XPR1: variants seen among roughly 807,000 people sequenced by gnomAD.
The protein encoded by XPR1 is solute carrier family 53 member 1.
A neutral mutation model predicts 87.5 loss-of-function variants in XPR1; 28 were observed. The observed-to-expected ratio is 0.32, with a 90% CI of 0.24 to 0.44. The LOEUF (loss-of-function observed/expected upper bound fraction) is 0.44. Among genes scored for constraint, XPR1 ranks in the 20% least tolerant of loss-of-function variants. The pLI is 1.00. For synonymous variants in XPR1, 300 were observed against 306.1 expected, an observed-to-expected ratio of 0.98 and a Z score of 0.21; for missense variants, 559 against 862.3, an observed-to-expected ratio of 0.65 and a Z score of 4.41.
intron 11 of XPR1, among the ~76,000 whole-genome samples, chr1:180,844,775 T>C (rs1651623248): frequency 6.6e-6 from 1 of 152,176 alleles, no homozygotes; most frequent in Admixed American, 6.5e-5. Flanking sequence ...GGCGCTTCAA[T>C]TGAAAGAGCA....
chr1:180,729,973 G>A (rs1658496076), intron 2 of XPR1, among the ~76,000 whole-genome samples: 1 of 152,142 alleles, frequency 6.6e-6, no homozygotes, highest in Non-Finnish European at 1.5e-5. Context: ...CGGGGTCTAT[G>A]TCCAGAATGG....
chr1:180,876,635 C>CAA (rs532038656), intron 13 of XPR1, among the ~76,000 whole-genome samples: 2,769 of 108,096 alleles, frequency 0.026, 98 homozygotes, highest in African/African-American at 0.087. Context: ...GACCCTGTCT[C>CAA]AAAAAAAAAA....
intron 1 of XPR1, among the ~76,000 whole-genome samples, chr1:180,674,113 T>C (rs1656285737): frequency 6.6e-6 from 1 of 152,236 alleles, no homozygotes; most frequent in Non-Finnish European, 1.5e-5. Flanking sequence ...TCAAACTTAA[T>C]ATTGTTTTAA....
intron 2 of XPR1, among the ~76,000 whole-genome samples, chr1:180,690,902 G>T (rs2101956889): frequency 6.6e-6 from 1 of 151,572 alleles, no homozygotes; most frequent in Admixed American, 6.6e-5. Flanking sequence ...AATTAACCTA[G>T]GTTGCTTCTC....
At chr1:180,639,839 A>G (rs1022561710) in intron 1 of XPR1, among the ~76,000 whole-genome samples, 2 of 152,230 alleles carry the variant, frequency 1.3e-5, no homozygotes, top group Admixed American at 1.3e-4. Flanking sequence ...CAAACATGGA[A>G]GAGGATAAAG....
Position 180,880,094 on chromosome 1 carries a change from C to T in XPR1, c.1827C>T (p.Phe609=). ...LEVFRRFVWN[F]FRLENEHLNN... ...TGCTAAGGCGATTTGTGTGGAACTT[C>T]TTCCGCCTGGAGAATGAACATCTGA... The change falls in exon 14 of 15, where the codon TTC becomes TTT. Residue 609 remains phenylalanine (F), a synonymous_variant. Coordinates refer to ENST00000367590, the MANE Select transcript of XPR1 (RefSeq NM_004736.4). 6.2e-7 allele frequency: 1 copy of T among 1,614,196 alleles called. No individual in the cohort carries two copies. Among genetic ancestry groups the T allele is most frequent in the South Asian group, 1.1e-5 (1 of 91,084 alleles).
chr1:180,716,799 A>G (rs1210548990), intron 2 of XPR1, among the ~76,000 whole-genome samples: 1 of 152,220 alleles, frequency 6.6e-6, no homozygotes, highest in Non-Finnish European at 1.5e-5. Context: ...GCTACCTTGA[A>G]ACAAATGACT....
intron 1 of XPR1, among the ~76,000 whole-genome samples, chr1:180,663,556 G>A (rs542766299): frequency 6.6e-6 from 1 of 152,256 alleles, no homozygotes; most frequent in African/African-American, 2.4e-5. Flanking sequence ...AGCACCCCTT[G>A]GGCCACCATC....
In XPR1 at chr1:180,682,374, G is replaced by A. The variant is rs957601312; in HGVS notation, c.84G>A (p.Met28Ile). ...QYIQYEAFKD[M>I]LYSAQDQAPS... Reference sequence around the variant, plus strand: ...CTTTCTAATAGGCTTTCAAGGATATGCTGTATTCAGCTCAGGACCAGGCAC... The same window carrying A: ...CTTTCTAATAGGCTTTCAAGGATATACTGTATTCAGCTCAGGACCAGGCAC... Residue 28 changes from methionine to isoleucine, a missense_variant, in exon 2 of 15, where the codon ATG (methionine) becomes ATA (isoleucine). Met to Ile is a conservative substitution (Grantham distance 10). Coordinates refer to ENST00000367590, the MANE Select transcript of XPR1 (RefSeq NM_004736.4). 2.5e-6 allele frequency: 4 copies of A among 1,602,958 alleles called. No homozygotes were observed. Among genetic ancestry groups the A allele is most frequent in the Non-Finnish European group, 3.4e-6 (4 of 1,174,308 alleles).
At chr1:180,799,030 C>G (rs1558013532) in intron 3 of XPR1, among the ~76,000 whole-genome samples, 1 of 152,174 alleles carries the variant, frequency 6.6e-6, no homozygotes, top group East Asian at 1.9e-4. Flanking sequence ...TCACTTTTCC[C>G]TTGGTAATCA....
At chr1:180,662,584 T>C (rs1421962519) in intron 1 of XPR1, among the ~76,000 whole-genome samples, 1 of 152,196 alleles carries the variant, frequency 6.6e-6, no homozygotes, top group African/African-American at 2.4e-5. Context: ...GGAGTTTAAT[T>C]ATTAAATGCC....
chr1:180,762,356 T>G (rs1242446974), intron 2 of XPR1, among the ~76,000 whole-genome samples: 4 of 152,026 alleles, frequency 2.6e-5, no homozygotes, highest in Non-Finnish European at 5.9e-5. Flanking sequence ...AACAGAAATA[T>G]AAACTGTTGA....
chr1:180,729,353 T>C (rs1557977945), intron 2 of XPR1, among the ~76,000 whole-genome samples: 2 of 152,230 alleles, frequency 1.3e-5, no homozygotes, highest in Non-Finnish European at 2.9e-5. Context: ...TTTGGGTGTA[T>C]ACTCAATAGT....
At chr1:180,857,017 T>C (rs1312797131) in intron 11 of XPR1, among the ~76,000 whole-genome samples, 1 of 152,260 alleles carries the variant, frequency 6.6e-6, no homozygotes, top group Non-Finnish European at 1.5e-5. Flanking sequence ...CTGTGAAGGA[T>C]ATCAATTTTA....
At chr1:180,680,226 CA>C (rs1229775334) in intron 1 of XPR1, among the ~76,000 whole-genome samples, 7 of 150,522 alleles carry the variant, frequency 4.7e-5, no homozygotes, top group African/African-American at 1.7e-4. Flanking sequence ...CAAAACAAAA[CA>C]AAACAAAAAC....
At chr1:180,682,458 A>T in intron 2 of XPR1, 47 bp downstream of exon 2, 1 of 1,522,988 alleles carries the variant, frequency 6.6e-7, no homozygotes, top group Non-Finnish European at 8.9e-7. Context: ...ACCTCTTTTT[A>T]AGGAAAGATA....
intron 2 of XPR1, among the ~76,000 whole-genome samples, chr1:180,705,063 A>G (rs1053817022): frequency 6.6e-6 from 1 of 152,000 alleles, no homozygotes; most frequent in Non-Finnish European, 1.5e-5. Context: ...GGATTTGACA[A>G]AATGTGTCTA....
chr1:180,659,842 T>C (rs796338159), intron 1 of XPR1, among the ~76,000 whole-genome samples: 1 of 152,004 alleles, frequency 6.6e-6, no homozygotes, highest in African/African-American at 2.4e-5. Context: ...GATGGGGTCT[T>C]TTTCTGGTTT....
chr1:180,708,545 A>G (rs549479792), intron 2 of XPR1, among the ~76,000 whole-genome samples: 73 of 152,214 alleles, frequency 4.8e-4, no homozygotes, highest in Middle Eastern at 3.4e-3. Flanking sequence ...TGGAAGATTT[A>G]GTTCTAAAAT....
Sources: gnomAD v4.1 joint callset for allele counts (sites outside exome capture counted in the v4.1 genomes callset) on GRCh38, gnomAD v4.1.1 for gene constraint, MANE v1.5 for transcripts, NCBI Gene and HGNC (gene_info 2026-07-23, HGNC 2026-07-21) for gene names.